The following FANCC variants were observed in gnomAD, a reference collection of about 807,000 sequenced individuals.
FANCC encodes FA complementation group C, also known as Fanconi anemia group C protein.
In FANCC, 55 loss-of-function variants were observed where a neutral mutation model predicts 71.3. The observed-to-expected ratio is 0.77, with a 90% CI of 0.62 to 0.97. The LOEUF (loss-of-function observed/expected upper bound fraction) is 0.97, where lower values mean the gene tolerates loss of function less well. Ranked by LOEUF, FANCC falls within the 50% of genes least tolerant of loss-of-function variation. The pLI, the probability that FANCC is intolerant of heterozygous loss-of-function variation, is 0.00. For synonymous variants in FANCC, 275 were observed against 244.9 expected, an observed-to-expected ratio of 1.12 and a Z score of -1.15; for missense variants, 678 against 670.9, an observed-to-expected ratio of 1.01 and a Z score of -0.12.
chr9:95,106,361 T>C (rs1475920000), intron 14 of FANCC, among the ~76,000 whole-genome samples: 2 of 152,274 alleles, frequency 1.3e-5, no homozygotes, highest in Non-Finnish European at 2.9e-5. Context: ...TTCTGAATAC[T>C]AAACTCTAAT....
chr9:95,189,410 T>C (rs1826941720), intron 4 of FANCC, among the ~76,000 whole-genome samples: 1 of 152,138 alleles, frequency 6.6e-6, no homozygotes, highest in South Asian at 2.1e-4. Flanking sequence ...GCCTATTCCG[T>C]GAGCAGGATG....
At chr9:95,223,866 A>C (rs1295051621) in intron 4 of FANCC, among the ~76,000 whole-genome samples, 1 of 152,152 alleles carries the variant, frequency 6.6e-6, no homozygotes, top group East Asian at 1.9e-4. Context: ...AATCCCAGCT[A>C]CTCGGGAGGC....
intron 4 of FANCC, among the ~76,000 whole-genome samples, chr9:95,207,141 C>G (rs1277475057): frequency 6.6e-6 from 1 of 152,118 alleles, no homozygotes; most frequent in Non-Finnish European, 1.5e-5. Context: ...AAGGAAGACC[C>G]TAAACCTCCA....
chr9:95,129,781 C>T (rs1052500978), intron 8 of FANCC, among the ~76,000 whole-genome samples: 5 of 152,078 alleles, frequency 3.3e-5, no homozygotes, highest in Non-Finnish European at 7.4e-5. Flanking sequence ...TCCTTATCTC[C>T]CCCCTCAGGC....
At chr9:95,101,948 A>T (rs570323040) in intron 14 of FANCC, 98 bp from the exon 15 acceptor site, 2 of 1,355,406 alleles carry the variant, frequency 1.5e-6, no homozygotes, top group Non-Finnish European at 2.1e-6. Context: ...CCCTGAAAGA[A>T]GCCCTATCCA....
intron 1 of FANCC, among the ~76,000 whole-genome samples, chr9:95,277,567 CAACA>C (rs1160509898): frequency 6.6e-6 from 1 of 152,064 alleles, no homozygotes; most frequent in Non-Finnish European, 1.5e-5. Flanking sequence ...TTGGGAACAT[CAACA>C]AACCCCAAAT....
At chr9:95,246,547 A>T (rs187889835) in intron 3 of FANCC, among the ~76,000 whole-genome samples, 1 of 152,360 alleles carries the variant, frequency 6.6e-6, no homozygotes, top group East Asian at 1.9e-4. Flanking sequence ...AATCCAAAGC[A>T]AACCTCAGCC....
chr9:95,293,011 A>G (rs1834148942), intron 1 of FANCC: 3 of 1,585,652 alleles, frequency 1.9e-6, no homozygotes, highest in Non-Finnish European at 2.6e-6. Flanking sequence ...CCACCTAGTA[A>G]GAAAAGGAAA....
chr9:95,164,788 G>C (rs1055622855), intron 6 of FANCC, among the ~76,000 whole-genome samples: 4 of 152,070 alleles, frequency 2.6e-5, no homozygotes, highest in Admixed American at 6.6e-5. Context: ...TCAGGGTAAT[G>C]CTTGCTCACA....
chr9:95,211,980 G>T (rs1387182829), intron 4 of FANCC, among the ~76,000 whole-genome samples: 1 of 151,674 alleles, frequency 6.6e-6, no homozygotes, highest in Non-Finnish European at 1.5e-5. Context: ...AAGACTTAAA[G>T]ATTTAAAGTC....
At chr9:95,243,427 C>A (rs1415770485) in intron 3 of FANCC, among the ~76,000 whole-genome samples, 11 of 152,088 alleles carry the variant, frequency 7.2e-5, no homozygotes, top group Non-Finnish European at 1.6e-4. Flanking sequence ...TCCTATTCTC[C>A]ATGAACACTA....
intron 4 of FANCC, among the ~76,000 whole-genome samples, chr9:95,209,630 C>T (rs776483495): frequency 5.3e-5 from 8 of 152,196 alleles, no homozygotes; most frequent in Non-Finnish European, 1.0e-4. Flanking sequence ...GTTCTCATTT[C>T]AGTAAATGGC....
intron 4 of FANCC, among the ~76,000 whole-genome samples, chr9:95,211,118 C>A (rs956006167): frequency 1.3e-5 from 2 of 152,178 alleles, no homozygotes; most frequent in African/African-American, 4.8e-5. Flanking sequence ...TATCTTCAGA[C>A]ACTTGACAAC....
At chr9:95,219,702 T>C (rs1829111679) in intron 4 of FANCC, among the ~76,000 whole-genome samples, 2 of 152,194 alleles carry the variant, frequency 1.3e-5, no homozygotes, top group South Asian at 2.1e-4. Context: ...TTACACCTTA[T>C]ACAAAAATTA....
chr9:95,123,347 A>C lies in FANCC; in HGVS notation c.996+1739T>G, dbSNP rs528463482. 2.3e-5 allele frequency: 8 copies of C among 346,570 alleles called. No individual in the cohort carries two copies. In the East Asian group the frequency reaches 6.8e-4, roughly 30 times the overall value. 21.5% of individuals were successfully genotyped at this position (346,570 alleles called of 1,614,324 possible). A position where few individuals can be genotyped will look rare whatever the true frequency, so the allele number is the denominator to read the frequency against. ...AAAATATATTTATTGTTGCTTTAAA[A>C]AGCAGAAACAGGCTGGGTGTGGTGG... On this transcript the variant is annotated intron_variant, in intron 10 of 14. Transcript: ENST00000289081.
At chr9:95,108,886 C>T (rs2071679443) in intron 13 of FANCC, among the ~76,000 whole-genome samples, 1 of 151,076 alleles carries the variant, frequency 6.6e-6, no homozygotes, top group African/African-American at 2.4e-5. Flanking sequence ...TTCACTGTAT[C>T]TATAGAACAT....
chr9:95,143,616 C>CT (rs1482134833), intron 7 of FANCC, among the ~76,000 whole-genome samples: 2 of 152,206 alleles, frequency 1.3e-5, no homozygotes, highest in African/African-American at 4.8e-5. Flanking sequence ...GTCATGCCTT[C>CT]ATTCTTTTTT....
At chr9:95,238,661 G>A (rs1006593039) in intron 4 of FANCC, among the ~76,000 whole-genome samples, 1 of 151,998 alleles carries the variant, frequency 6.6e-6, no homozygotes, top group Non-Finnish European at 1.5e-5. Flanking sequence ...TGCCTCCCAG[G>A]TTCAAGCGAT....
chr9:95,110,582 A>G, intron 13 of FANCC: 1 of 1,035,458 alleles, frequency 9.7e-7, no homozygotes, highest in Non-Finnish European at 1.2e-6. Context: ...TTAAAATCTA[A>G]AACTATTTTT....
Sources: allele counts gnomAD v4.1 joint callset (sites outside exome capture counted in the v4.1 genomes callset), GRCh38; gene constraint gnomAD v4.1.1; transcripts MANE v1.5; gene names NCBI Gene and HGNC (gene_info 2026-07-23, HGNC 2026-07-21).